Variants in ATG4C observed in about 807,000 individuals in gnomAD.
ATG4C encodes the protein cysteine protease ATG4C.
A neutral mutation model predicts 57.6 loss-of-function variants in ATG4C; 56 were observed. That is an observed-to-expected ratio of 0.97 (90% CI 0.78 to 1.21). The LOEUF (loss-of-function observed/expected upper bound fraction) is 1.21. ATG4C is among the 50% of genes most tolerant of loss of function. The probability of loss-of-function intolerance (pLI) is 0.00; values close to 1 mark genes in which losing one functional copy is unlikely to be tolerated. For missense variants in ATG4C, 595 were observed against 529.8 expected (o/e 1.12, Z -1.21); for synonymous variants, 157 against 174.1 (o/e 0.90, Z 0.78).
At chr1:62,806,867 A>G (rs1334033833) in intron 3 of ATG4C, among the ~76,000 whole-genome samples, 1 of 152,224 alleles carries the variant, frequency 6.6e-6, no homozygotes, top group Non-Finnish European at 1.5e-5. Context: ...AGAAGCACAT[A>G]GGACCATGAA....
chr1:62,834,738 G>GT, intron 8 of ATG4C, 38 bp from the exon 9 acceptor site: 6 of 1,544,014 alleles, frequency 3.9e-6, no homozygotes, highest in Non-Finnish European at 5.4e-6. Context: ...ATAATAAGGT[G>GT]TTTTTTGAAT....
intron 1 of ATG4C, among the ~76,000 whole-genome samples, chr1:62,786,539 AAAAAC>A (rs1034533971): frequency 1.3e-5 from 2 of 148,422 alleles, no homozygotes; most frequent in African/African-American, 5.1e-5. Flanking sequence ...CAAAAAAAAA[AAAAAC>A]AAGTGAAAAT....
chr1:62,807,631 AAC>A (rs1239372298), intron 3 of ATG4C, among the ~76,000 whole-genome samples: 1 of 152,194 alleles, frequency 6.6e-6, no homozygotes, highest in African/African-American at 2.4e-5. Context: ...CTGGGAGGGT[AAC>A]ACACTCCTTC....
chr1:62,790,039 C>T (rs12750163), intron 1 of ATG4C, among the ~76,000 whole-genome samples: 1 of 151,874 alleles, frequency 6.6e-6, no homozygotes, highest in Non-Finnish European at 1.5e-5. Context: ...CTCAGCCTCC[C>T]GAGTAGCTGG....
intron 1 of ATG4C, among the ~76,000 whole-genome samples, chr1:62,793,350 G>T (rs531819561): frequency 6.6e-6 from 1 of 151,420 alleles, no homozygotes; most frequent in Non-Finnish European, 1.5e-5. Flanking sequence ...AGTGGCTCAT[G>T]CCTGTAGTCC....
At chr1:62,838,208 T>G (rs1473269500) in intron 9 of ATG4C, among the ~76,000 whole-genome samples, 2 of 152,150 alleles carry the variant, frequency 1.3e-5, no homozygotes, top group Non-Finnish European at 2.9e-5. Flanking sequence ...TGGGAATTGA[T>G]TCTCTCTGGC....
chr1:62,816,825 TTTTTG>T lies in ATG4C; in HGVS notation c.394+37_394+41del, dbSNP rs766058765. The stretch of plus-strand genomic sequence containing the variant: ...TTGGTAGAGGTAAATCAAATTTCTG[TTTTTG>T]TTTTGTTTTGTTTTGTTTTTTTGTC... On this transcript the variant is annotated intron_variant, in intron 4 of 10. Coordinates refer to ENST00000317868, the MANE Select transcript of ATG4C (RefSeq NM_032852.4). 44 of 1,485,762 alleles carry T rather than the reference TTTTTG, an allele frequency of 3.0e-5. No homozygotes were observed. Among genetic ancestry groups the T allele is most frequent in the South Asian group, 1.2e-4 (9 of 74,922 alleles). The allele number at this position is 1,485,762 out of a possible 1,614,324, so 92.0% of individuals were successfully genotyped here. A position where few individuals can be genotyped will look rare whatever the true frequency, so the allele number is the denominator to read the frequency against.
chr1:62,862,593 A>T (rs537650910), intron 10 of ATG4C, among the ~76,000 whole-genome samples: 2 of 152,074 alleles, frequency 1.3e-5, no homozygotes, highest in Non-Finnish European at 2.9e-5. Flanking sequence ...TTTTTGTAGT[A>T]TATAAATAAA....
intron 9 of ATG4C, among the ~76,000 whole-genome samples, chr1:62,840,362 A>G (rs1647429904): frequency 6.6e-6 from 1 of 152,194 alleles, no homozygotes; most frequent in Non-Finnish European, 1.5e-5. Context: ...TAATTCAAAA[A>G]TTTCCCACAC....
At chr1:62,835,583 C>T (rs534579475) in intron 9 of ATG4C, 1 of 166,688 alleles carries the variant, frequency 6.0e-6, no homozygotes, top group African/African-American at 2.4e-5. Flanking sequence ...GCAAATATAG[C>T]TGAATACTTT....
chr1:62,816,365 A>G (rs894927392), intron 3 of ATG4C, among the ~76,000 whole-genome samples: 4 of 152,186 alleles, frequency 2.6e-5, no homozygotes, highest in African/African-American at 9.6e-5. Flanking sequence ...TACAGTATGT[A>G]AAACATTTCA....
intron 4 of ATG4C, among the ~76,000 whole-genome samples, chr1:62,818,147 A>G (rs1475776795): frequency 2.0e-5 from 3 of 152,116 alleles, no homozygotes; most frequent in African/African-American, 4.8e-5. Context: ...CATAATGGAT[A>G]TATTTGATTT....
rs540465242 is a variant in ATG4C at position 62,796,546 on chromosome 1, AT to A, written c.-68-7172del. ...CTTTATCTTAAAAAGGAGAAAAAAA[AT>A]GTCTCAGCATTTTAACTTTATCAGC... On this transcript the variant is annotated intron_variant, in intron 1 of 10. Transcript: ENST00000317868. Among the ~76,000 whole-genome samples, 22 of 152,284 alleles carry A rather than the reference AT, an allele frequency of 1.4e-4. No homozygotes were observed. In the South Asian group the frequency reaches 4.3e-3, roughly 30 times the overall value.
Position 62,808,437 on chromosome 1 carries a change from T to A in ATG4C, c.160+3182T>A, listed in dbSNP as rs1309772392. Among the ~76,000 whole-genome samples, 3 of 145,014 alleles carry A rather than the reference T, an allele frequency of 2.1e-5. No individual in the cohort carries two copies. In the South Asian group the frequency reaches 6.4e-4, roughly 31 times the overall value. On this transcript the variant is annotated intron_variant, in intron 3 of 10. Coordinates refer to ENST00000317868, the MANE Select transcript of ATG4C (RefSeq NM_032852.4). ...TGGAAGTGAAGGATAGACATATTGA[T>A]TTTTTTTTTTTCCAGCAAGGTGGGC...
At chr1:62,823,846 T>C (rs944809799) in intron 6 of ATG4C, among the ~76,000 whole-genome samples, 3 of 152,160 alleles carry the variant, frequency 2.0e-5, no homozygotes, top group African/African-American at 7.2e-5. Context: ...TTAGGTCTTA[T>C]TCATTCTTCA....
chr1:62,797,689 T>G (rs1025983976), intron 1 of ATG4C, among the ~76,000 whole-genome samples: 1 of 152,176 alleles, frequency 6.6e-6, no homozygotes, highest in African/African-American at 2.4e-5. Flanking sequence ...TAATTGGTAT[T>G]GAACTTTTTT....
intron 1 of ATG4C, among the ~76,000 whole-genome samples, chr1:62,801,971 A>G (rs1478669069): frequency 1.4e-5 from 2 of 146,388 alleles, no homozygotes; most frequent in Non-Finnish European, 3.0e-5. Context: ...AAAAAAAAAA[A>G]AAAAAAAAAA....
At chr1:62,821,867 T>A (rs11208040) in intron 6 of ATG4C, among the ~76,000 whole-genome samples, 58,029 of 151,924 alleles carry the variant, frequency 0.38, 11,882 homozygotes, top group East Asian at 0.67. Context: ...GGAAATATCA[T>A]ACACTATTTT....
chr1:62,836,139 G>A (rs570278105), intron 9 of ATG4C, among the ~76,000 whole-genome samples: 14 of 152,088 alleles, frequency 9.2e-5, no homozygotes, highest in African/African-American at 3.1e-4. Context: ...GAATATCCTG[G>A]CTATGTGTAT....
Sources: gnomAD v4.1 joint callset for allele counts (sites outside exome capture counted in the v4.1 genomes callset) on GRCh38, gnomAD v4.1.1 for gene constraint, MANE v1.5 for transcripts, NCBI Gene and HGNC (gene_info 2026-07-23, HGNC 2026-07-21) for gene names.